The following MDGA2 variants were observed in gnomAD, a reference collection of about 807,000 sequenced individuals.
MDGA2 encodes the protein MAM domain-containing glycosylphosphatidylinositol anchor protein 2.
MDGA2 carries 40 observed loss-of-function variants against 117.8 expected under a neutral mutation model. The observed-to-expected ratio is 0.34, with a 90% CI of 0.26 to 0.44. MDGA2 has a LOEUF of 0.44. Ranked by LOEUF, MDGA2 falls within the 20% of genes least tolerant of loss-of-function variation. MDGA2 has a pLI of 1.00. For missense variants in MDGA2, 1,123 were observed against 1,250.6 expected (o/e 0.90, Z 1.54); for synonymous variants, 452 against 439.0 (o/e 1.03, Z -0.37).
At chr14:47,295,240 G>C (rs1347250666) in intron 2 of MDGA2, among the ~76,000 whole-genome samples, 3 of 152,056 alleles carry the variant, frequency 2.0e-5, no homozygotes, top group Non-Finnish European at 4.4e-5. Context: ...TTTTATTTTT[G>C]AACGGAGAAG....
At chr14:47,132,537 T>TTTGC (rs1454809689) in intron 4 of MDGA2, among the ~76,000 whole-genome samples, 1 of 151,778 alleles carries the variant, frequency 6.6e-6, no homozygotes, top group African/African-American at 2.4e-5. Context: ...TGGCCAGAAG[T>TTTGC]ATCTAACAAA....
intron 2 of MDGA2, among the ~76,000 whole-genome samples, chr14:47,268,427 A>T (rs555229779): frequency 1.8e-3 from 274 of 152,238 alleles, no homozygotes; most frequent in African/African-American, 6.0e-3. Context: ...ATTTTGAAAA[A>T]TTTATTTTAA....
chr14:47,020,104 T>G (rs551691536), intron 8 of MDGA2, among the ~76,000 whole-genome samples: 87 of 150,920 alleles, frequency 5.8e-4, no homozygotes, highest in African/African-American at 2.0e-3. Context: ...CACAGACATT[T>G]TGGGATCAAG....
chr14:47,091,087 A>G (rs774264128), intron 6 of MDGA2, among the ~76,000 whole-genome samples: 9 of 152,176 alleles, frequency 5.9e-5, no homozygotes, highest in Non-Finnish European at 1.2e-4. Context: ...CCTTTCAGAC[A>G]AGTTGGTCAC....
chr14:47,614,407 A>C (rs1896912055), intron 1 of MDGA2, among the ~76,000 whole-genome samples: 1 of 152,122 alleles, frequency 6.6e-6, no homozygotes, highest in Non-Finnish European at 1.5e-5. Flanking sequence ...CACCTTTTAA[A>C]TCAATGATTT....
intron 2 of MDGA2, among the ~76,000 whole-genome samples, chr14:47,262,486 T>G: frequency 6.6e-6 from 1 of 152,190 alleles, no homozygotes; most frequent in East Asian, 1.9e-4. Context: ...ATGTTATTAT[T>G]AAATAGTATG....
intron 1 of MDGA2, among the ~76,000 whole-genome samples, chr14:47,627,886 C>A (rs1184846710): frequency 1.3e-5 from 2 of 152,146 alleles, no homozygotes; most frequent in Non-Finnish European, 2.9e-5. Context: ...ACGAACCCAC[C>A]AGAAGGAAGA....
intron 2 of MDGA2, among the ~76,000 whole-genome samples, chr14:47,224,648 T>C (rs754059626): frequency 5.3e-5 from 8 of 152,124 alleles, no homozygotes; most frequent in Non-Finnish European, 1.2e-4. Context: ...TCCTTTAGCA[T>C]TAAAAGAATC....
At chr14:47,188,373 T>C (rs1884988766) in intron 3 of MDGA2, among the ~76,000 whole-genome samples, 2 of 152,358 alleles carry the variant, frequency 1.3e-5, no homozygotes, top group South Asian at 2.1e-4. Flanking sequence ...TACTATGTTG[T>C]GTGCTGCCAC....
At chr14:47,348,489 G>A (rs1337750977) in intron 1 of MDGA2, among the ~76,000 whole-genome samples, 1 of 152,100 alleles carries the variant, frequency 6.6e-6, no homozygotes, top group African/African-American at 2.4e-5. Context: ...TGGGAGTATA[G>A]GCATGAGCTA....
chr14:47,278,457 G>A (rs1888376639), intron 2 of MDGA2, among the ~76,000 whole-genome samples: 1 of 152,004 alleles, frequency 6.6e-6, no homozygotes, highest in Admixed American at 6.6e-5. Context: ...TGTGTTTTCA[G>A]CGAGACCAGC....
chr14:47,232,990 C>T (rs2139576913), intron 2 of MDGA2, among the ~76,000 whole-genome samples: 1 of 152,224 alleles, frequency 6.6e-6, no homozygotes, highest in East Asian at 1.9e-4. Flanking sequence ...GCAGAAGCTA[C>T]TCTGCGTAAT....
intron 2 of MDGA2, among the ~76,000 whole-genome samples, chr14:47,234,240 CATATT>C (rs1886785976): frequency 1.3e-5 from 2 of 149,828 alleles, no homozygotes; most frequent in Admixed American, 6.7e-5. Flanking sequence ...TGTAAATATT[CATATT>C]ATATATTATA....
At chr14:47,078,177 T>C (rs778574839) in intron 6 of MDGA2, among the ~76,000 whole-genome samples, 2 of 152,092 alleles carry the variant, frequency 1.3e-5, no homozygotes, top group Non-Finnish European at 2.9e-5. Context: ...TGATTCCAGG[T>C]ATGATATTTT....
chr14:47,095,776 T>G (rs1879931949), intron 6 of MDGA2, among the ~76,000 whole-genome samples: 1 of 152,014 alleles, frequency 6.6e-6, no homozygotes, highest in Non-Finnish European at 1.5e-5. Flanking sequence ...TCCTAATAAT[T>G]TGCAAAATAA....
intron 1 of MDGA2, among the ~76,000 whole-genome samples, chr14:47,522,668 A>T (rs1428695444): frequency 6.6e-6 from 1 of 152,234 alleles, no homozygotes; most frequent in Non-Finnish European, 1.5e-5. Context: ...AATGTAATAG[A>T]TAAAATAATT....
intron 10 of MDGA2, among the ~76,000 whole-genome samples, chr14:46,897,688 A>G (rs1004189441): frequency 1.2e-4 from 11 of 91,928 alleles, no homozygotes; most frequent in Non-Finnish European, 2.4e-4. Context: ...TAATGCAATA[A>G]TAACATCTTC....
Position 47,447,982 on chromosome 14 carries a change from G to GTGTC in MDGA2, c.281-146436_281-146433dup, listed in dbSNP as rs765848416. ...TATTTTCCTGAGTGGGGTGATAAGA[G>GTGTC]TGTCTTTCAGAGTGACAAAGAGCTC... On this transcript the variant is annotated intron_variant, in intron 1 of 16. Coordinates refer to ENST00000399232, the MANE Select transcript of MDGA2 (RefSeq NM_001113498.3). 1.1e-4 allele frequency among the ~76,000 whole-genome samples: 16 copies of GTGTC among 152,140 alleles called. No individual in the cohort carries two copies. In the East Asian group the frequency reaches 2.3e-3, roughly 22 times the overall value.
intron 10 of MDGA2, among the ~76,000 whole-genome samples, chr14:46,919,786 G>C (rs1436656017): frequency 6.6e-6 from 1 of 152,136 alleles, no homozygotes; most frequent in Non-Finnish European, 1.5e-5. Context: ...TATGTCTGCT[G>C]TCATAGTGAA....
Sources: gnomAD v4.1 joint callset for allele counts (sites outside exome capture counted in the v4.1 genomes callset) on GRCh38, gnomAD v4.1.1 for gene constraint, MANE v1.5 for transcripts, NCBI Gene and HGNC (gene_info 2026-07-23, HGNC 2026-07-21) for gene names.